Variants in ALDH1A2 observed in about 807,000 individuals in gnomAD.
ALDH1A2 encodes aldehyde dehydrogenase 1 family member A2, also known as retinal dehydrogenase 2.
Under a neutral mutation model 60.3 loss-of-function variants are expected in ALDH1A2, and 27 were observed. The observed-to-expected ratio is 0.45, with a 90% CI of 0.33 to 0.62. The LOEUF (loss-of-function observed/expected upper bound fraction) is 0.62. Ranked by LOEUF, ALDH1A2 falls within the 20% of genes least tolerant of loss-of-function variation. The pLI is 0.02. For synonymous variants in ALDH1A2, 289 were observed against 232.4 expected, an observed-to-expected ratio of 1.24 and a Z score of -2.21; for missense variants, 581 against 643.8, an observed-to-expected ratio of 0.90 and a Z score of 1.06.
intron 7 of ALDH1A2, among the ~76,000 whole-genome samples, chr15:57,976,304 T>C (rs1894254671): frequency 6.6e-6 from 1 of 152,220 alleles, no homozygotes; most frequent in South Asian, 2.1e-4. Context: ...TTTAAAATTA[T>C]ACTTTGAATT....
chr15:57,963,366 G>C (rs1408927059), intron 9 of ALDH1A2, among the ~76,000 whole-genome samples: 2 of 131,664 alleles, frequency 1.5e-5, no homozygotes, highest in African/African-American at 5.5e-5. Flanking sequence ...TTTTTTTTGA[G>C]ACGGAGTCTT....
At chr15:57,978,265 T>G (rs1395813005) in intron 7 of ALDH1A2, among the ~76,000 whole-genome samples, 1 of 152,228 alleles carries the variant, frequency 6.6e-6, no homozygotes, top group Non-Finnish European at 1.5e-5. Context: ...ATCCTTTTCT[T>G]GTGCCAGTTT....
At chr15:58,049,791 T>G (rs552470265) in intron 1 of ALDH1A2, among the ~76,000 whole-genome samples, 5 of 152,202 alleles carry the variant, frequency 3.3e-5, no homozygotes, top group African/African-American at 1.2e-4. Context: ...AAATGTACTT[T>G]GAGAGAAGAA....
chr15:57,999,197 A>T (rs775782736), intron 4 of ALDH1A2, among the ~76,000 whole-genome samples: 1 of 152,188 alleles, frequency 6.6e-6, no homozygotes, highest in African/African-American at 2.4e-5. Flanking sequence ...AAAATTGACA[A>T]TTTGGATCTA....
intron 5 of ALDH1A2, among the ~76,000 whole-genome samples, chr15:57,994,094 G>A (rs1894977536): frequency 6.6e-6 from 1 of 152,196 alleles, no homozygotes; most frequent in African/African-American, 2.4e-5. Context: ...CAGTGAAGCT[G>A]CAGCGTTGAG....
At chr15:58,062,292 G>C (rs1338545377) in intron 1 of ALDH1A2, among the ~76,000 whole-genome samples, 1 of 152,040 alleles carries the variant, frequency 6.6e-6, no homozygotes, top group Non-Finnish European at 1.5e-5. Context: ...GAGAAAGACA[G>C]CACAACGATC....
intron 7 of ALDH1A2, chr15:57,991,337 C>T (rs920028689): frequency 1.1e-4 from 17 of 152,048 alleles, no homozygotes; most frequent in African/African-American, 4.1e-4. Context: ...TGCAAAATTA[C>T]AATAACAAAT....
intron 1 of ALDH1A2, among the ~76,000 whole-genome samples, chr15:58,059,145 T>G (rs1302146432): frequency 6.6e-6 from 1 of 152,220 alleles, no homozygotes. Context: ...TAATTCCCAA[T>G]GTGCATAATC....
intron 1 of ALDH1A2, among the ~76,000 whole-genome samples, chr15:58,037,532 T>C (rs528257850): frequency 3.3e-5 from 5 of 151,820 alleles, no homozygotes; most frequent in Non-Finnish European, 7.4e-5. Flanking sequence ...GAAAGTATTG[T>C]TAGAAAAACC....
chr15:57,979,896 G>T, intron 7 of ALDH1A2: 1 of 359,996 alleles, frequency 2.8e-6, no homozygotes, highest in Non-Finnish European at 5.7e-6. Flanking sequence ...CCTGGGTGTA[G>T]CCCATCTGCA....
chr15:58,010,392 C>T (rs187813323), intron 4 of ALDH1A2, among the ~76,000 whole-genome samples: 31 of 152,238 alleles, frequency 2.0e-4, no homozygotes, highest in Admixed American at 1.7e-3. Context: ...GACCACTTAC[C>T]AGCTGACAAA....
At chr15:57,977,018 G>C (rs1359834393) in intron 7 of ALDH1A2, among the ~76,000 whole-genome samples, 5 of 151,826 alleles carry the variant, frequency 3.3e-5, no homozygotes, top group Non-Finnish European at 7.4e-5. Context: ...GACCAGTAAT[G>C]ATGAGCTTTT....
intron 7 of ALDH1A2, among the ~76,000 whole-genome samples, chr15:57,983,361 G>A (rs1894580149): frequency 6.6e-6 from 1 of 152,118 alleles, no homozygotes; most frequent in Non-Finnish European, 1.5e-5. Flanking sequence ...CTCACAGCTA[G>A]CATTCCTTTC....
chr15:58,017,163 A>C (rs901026669), intron 1 of ALDH1A2, among the ~76,000 whole-genome samples: 7 of 152,308 alleles, frequency 4.6e-5, no homozygotes, highest in South Asian at 2.1e-4. Context: ...AGGAAACATG[A>C]TATTCTAACC....
intron 7 of ALDH1A2, among the ~76,000 whole-genome samples, chr15:57,968,280 C>T (rs1893957679): frequency 6.6e-6 from 1 of 152,202 alleles, no homozygotes; most frequent in East Asian, 1.9e-4. Flanking sequence ...AGCATTATGT[C>T]ATTTAAGCCT....
At chr15:58,057,186 C>A (rs1176285090) in intron 1 of ALDH1A2, among the ~76,000 whole-genome samples, 4 of 151,836 alleles carry the variant, frequency 2.6e-5, no homozygotes, top group Non-Finnish European at 5.9e-5. Context: ...AGAGCAGAAA[C>A]TAAAAATTAG....
chr15:57,988,426 T>C (rs534853445), intron 7 of ALDH1A2, among the ~76,000 whole-genome samples: 1 of 152,246 alleles, frequency 6.6e-6, no homozygotes, highest in South Asian at 2.1e-4. Context: ...AGAAAACAAA[T>C]CAAAATGGGG....
At chr15:58,045,057 A>C (rs1269229741) in intron 1 of ALDH1A2, among the ~76,000 whole-genome samples, 2 of 152,080 alleles carry the variant, frequency 1.3e-5, no homozygotes, top group African/African-American at 4.8e-5. Context: ...CAAGAAAAAA[A>C]CAAACAACCC....
chr15:58,054,908 C>A (rs1595694302), intron 1 of ALDH1A2, among the ~76,000 whole-genome samples: 1 of 152,030 alleles, frequency 6.6e-6, no homozygotes, highest in Non-Finnish European at 1.5e-5. Flanking sequence ...TGTATCAATT[C>A]TCTCCTTTTT....
Sources: gnomAD v4.1 joint callset for allele counts (sites outside exome capture counted in the v4.1 genomes callset) on GRCh38, gnomAD v4.1.1 for gene constraint, MANE v1.5 for transcripts, NCBI Gene and HGNC (gene_info 2026-07-23, HGNC 2026-07-21) for gene names.